Variants in MECOM observed in about 807,000 individuals in gnomAD.
The protein encoded by MECOM is MDS1 and EVI1 complex locus.
A neutral mutation model predicts 116.3 loss-of-function variants in MECOM; 13 were observed. The observed-to-expected ratio is 0.11, with a 90% CI of 0.07 to 0.18. The LOEUF is 0.18. MECOM is among the 10% of genes least tolerant of loss of function. The probability of loss-of-function intolerance (pLI) is 1.00; values close to 1 mark genes in which losing one functional copy is unlikely to be tolerated. For missense variants in MECOM, 1,299 were observed against 1,509.0 expected (o/e 0.86, Z 2.31); for synonymous variants, 528 against 535.2 (o/e 0.99, Z 0.19).
intron 2 of MECOM, among the ~76,000 whole-genome samples, chr3:169,242,024 C>T (rs1363284052): frequency 1.3e-5 from 2 of 152,172 alleles, no homozygotes; most frequent in African/African-American, 2.4e-5. Context: ...GAAATTCCAT[C>T]TATCTGATGA....
chr3:169,501,737 T>G (rs1482873159), intron 1 of MECOM, among the ~76,000 whole-genome samples: 1 of 152,106 alleles, frequency 6.6e-6, no homozygotes, highest in African/African-American at 2.4e-5. Context: ...TGGCTCTCAT[T>G]CATGTTAGCT....
chr3:169,375,153 A>G (rs937953143), intron 2 of MECOM, among the ~76,000 whole-genome samples: 3 of 151,792 alleles, frequency 2.0e-5, no homozygotes, highest in Non-Finnish European at 2.9e-5. Flanking sequence ...TAGAAAGAAC[A>G]GTGTGTATAC....
At chr3:169,323,007 A>T (rs1405097319) in intron 2 of MECOM, among the ~76,000 whole-genome samples, 1 of 145,034 alleles carries the variant, frequency 6.9e-6, no homozygotes, top group Non-Finnish European at 1.5e-5. Flanking sequence ...TAAAAAAAAA[A>T]AAAAAAAAAA....
intron 2 of MECOM, among the ~76,000 whole-genome samples, chr3:169,315,190 T>C (rs1371242953): frequency 1.3e-5 from 2 of 151,966 alleles, no homozygotes; most frequent in Non-Finnish European, 2.9e-5. Context: ...CTTTCCCACA[T>C]CTCCCATCCT....
intron 1 of MECOM, among the ~76,000 whole-genome samples, chr3:169,384,131 T>A (rs1732913491): frequency 6.6e-6 from 1 of 152,222 alleles, no homozygotes; most frequent in Admixed American, 6.5e-5. Context: ...GCTAGGACTC[T>A]TACTTTTTCA....
intron 10 of MECOM, among the ~76,000 whole-genome samples, chr3:169,104,653 A>G (rs1362521): frequency 0.25 from 38,421 of 152,158 alleles, 5,073 homozygotes; most frequent in Non-Finnish European, 0.28. Flanking sequence ...TCCTGCAACA[A>G]AACATCTCAT....
chr3:169,511,573 C>T (rs1478095982), intron 1 of MECOM, among the ~76,000 whole-genome samples: 1 of 152,130 alleles, frequency 6.6e-6, no homozygotes, highest in Non-Finnish European at 1.5e-5. Flanking sequence ...ACCAGCCCGG[C>T]CAACATGGCA....
rs372906440 is a variant in MECOM, at chr3:169,084,914, C to T, written c.3715G>A (p.Val1239Ile). The T allele has an allele frequency of 2.6e-5, 42 of 1,613,904 alleles. No homozygotes were observed. Among genetic ancestry groups the T allele is most frequent in the African/African-American group, 2.4e-4 (18 of 74,894 alleles). The change falls in exon 17 of 17, where the codon GTA becomes ATA. Residue 1239 changes from valine to isoleucine, a missense_variant. This residue lies in a region of MECOM where 273 missense variants were observed against 289.3 expected (regional missense o/e 0.94). Transcript: ENST00000651503. ...ESSAIQSISH[V>I] ...TCTGGTCAACCTTGATAACGTCATA[C>T]GTGGCTTATGGACTGGATAGCACTG...
intron 2 of MECOM, among the ~76,000 whole-genome samples, chr3:169,328,949 A>C (rs1290227428): frequency 6.6e-6 from 1 of 152,258 alleles, no homozygotes; most frequent in African/African-American, 2.4e-5. Context: ...CTTTAGAAGA[A>C]GATCCTTTAC....
chr3:169,140,287 G>C (rs1368970601), intron 3 of MECOM, among the ~76,000 whole-genome samples: 1 of 152,042 alleles, frequency 6.6e-6, no homozygotes, highest in African/African-American at 2.4e-5. Context: ...CACAGCCATA[G>C]ACCTATGTAG....
At chr3:169,247,397 C>G (rs1205982662) in intron 2 of MECOM, among the ~76,000 whole-genome samples, 1 of 152,102 alleles carries the variant, frequency 6.6e-6, no homozygotes. Flanking sequence ...CCTCCACCTC[C>G]CGCGTTCAAG....
At chr3:169,377,155 T>C (rs1207551360) in intron 2 of MECOM, among the ~76,000 whole-genome samples, 1 of 152,182 alleles carries the variant, frequency 6.6e-6, no homozygotes, top group Non-Finnish European at 1.5e-5. Context: ...ACCTCTTCCT[T>C]ATACCCTATA....
intron 2 of MECOM, among the ~76,000 whole-genome samples, chr3:169,246,877 G>A (rs1228318577): frequency 6.6e-6 from 1 of 152,046 alleles, no homozygotes; most frequent in East Asian, 1.9e-4. Flanking sequence ...TATGTCTGCT[G>A]TTCTTTGCTT....
chr3:169,092,365 C>T (rs1001511792), intron 14 of MECOM, among the ~76,000 whole-genome samples: 1 of 151,750 alleles, frequency 6.6e-6, no homozygotes, highest in African/African-American at 2.4e-5. Context: ...TTGGGGGAAA[C>T]TCCATGGGTA....
intron 1 of MECOM, chr3:169,477,063 G>C (rs956177665): frequency 7.3e-6 from 1 of 137,430 alleles, no homozygotes; most frequent in African/African-American, 2.8e-5. Context: ...TATGTGCCTA[G>C]AGGTCTGGAT....
chr3:169,259,652 C>T (rs1757303322), intron 2 of MECOM, among the ~76,000 whole-genome samples: 1 of 152,112 alleles, frequency 6.6e-6, no homozygotes, highest in South Asian at 2.1e-4. Flanking sequence ...TCACAGGACC[C>T]CAGAAGGTCA....
chr3:169,284,867 T>C (rs1471632932), intron 2 of MECOM, among the ~76,000 whole-genome samples: 1 of 152,160 alleles, frequency 6.6e-6, no homozygotes, highest in Non-Finnish European at 1.5e-5. Context: ...TTTACATGTA[T>C]ATAAGACACC....
At chr3:169,355,516 G>A (rs1727121516) in intron 2 of MECOM, among the ~76,000 whole-genome samples, 1 of 151,846 alleles carries the variant, frequency 6.6e-6, no homozygotes, top group Non-Finnish European at 1.5e-5. Flanking sequence ...TTGACATGGG[G>A]TAAAAAACAA....
At chr3:169,130,542 GA>G (rs1431541639) in intron 4 of MECOM, among the ~76,000 whole-genome samples, 1 of 147,472 alleles carries the variant, frequency 6.8e-6, no homozygotes. Flanking sequence ...CAGTCCAAAG[GA>G]AAAATTGTTC....
Sources: allele counts gnomAD v4.1 joint callset (sites outside exome capture counted in the v4.1 genomes callset), GRCh38; gene constraint gnomAD v4.1.1; regional missense constraint gnomAD v4.1.1; transcripts MANE v1.5; gene names NCBI Gene and HGNC (gene_info 2026-07-23, HGNC 2026-07-21).